NOL4: variants seen among roughly 807,000 people sequenced by gnomAD.
The protein encoded by NOL4 is nucleolar protein 4.
NOL4 carries 17 observed loss-of-function variants against 75.9 expected under a neutral mutation model. That is an observed-to-expected ratio of 0.22 (90% confidence interval 0.15 to 0.34). NOL4 has a LOEUF of 0.34. Ranked by LOEUF, NOL4 falls within the 10% of genes least tolerant of loss-of-function variation. The pLI is 1.00. For synonymous variants in NOL4, 292 were observed against 289.9 expected, an observed-to-expected ratio of 1.01 and a Z score of -0.07; for missense variants, 614 against 793.5, an observed-to-expected ratio of 0.77 and a Z score of 2.72.
At chr18:33,855,337 A>T (rs994695319) in intron 10 of NOL4, among the ~76,000 whole-genome samples, 5 of 152,088 alleles carry the variant, frequency 3.3e-5, no homozygotes, top group Middle Eastern at 3.2e-3. Flanking sequence ...CAACAATATG[A>T]TCTGATTAGA....
intron 6 of NOL4, among the ~76,000 whole-genome samples, chr18:33,965,531 T>TTGCA (rs1465723058): frequency 2.6e-5 from 4 of 152,238 alleles, no homozygotes; most frequent in Admixed American, 6.5e-5. Flanking sequence ...TCATCTTGAA[T>TTGCA]TGCAGTTCCC....
intron 10 of NOL4, among the ~76,000 whole-genome samples, chr18:33,863,064 A>C (rs1567972360): frequency 6.6e-6 from 1 of 152,230 alleles, no homozygotes; most frequent in Non-Finnish European, 1.5e-5. Context: ...AATGTGGCAC[A>C]TATACACCAT....
intron 2 of NOL4, among the ~76,000 whole-genome samples, chr18:34,106,831 T>C (rs1188514203): frequency 6.6e-6 from 1 of 152,028 alleles, no homozygotes; most frequent in Non-Finnish European, 1.5e-5. Flanking sequence ...AGAAATATTT[T>C]ATACTAATTC....
intron 6 of NOL4, among the ~76,000 whole-genome samples, chr18:34,010,305 C>G (rs561163942): frequency 4.0e-5 from 6 of 151,864 alleles, no homozygotes; most frequent in African/African-American, 1.4e-4. Context: ...TCCTTCAGTT[C>G]CATCCGTGTT....
At chr18:33,879,505 T>C (rs1244905379) in intron 10 of NOL4, among the ~76,000 whole-genome samples, 3 of 151,866 alleles carry the variant, frequency 2.0e-5, no homozygotes, top group Non-Finnish European at 2.9e-5. Flanking sequence ...AAACTTTGTC[T>C]CTGCTAAAAA....
intron 10 of NOL4, among the ~76,000 whole-genome samples, chr18:33,858,350 A>T (rs2062929555): frequency 6.6e-6 from 1 of 151,968 alleles, no homozygotes; most frequent in African/African-American, 2.4e-5. Flanking sequence ...TGTTTAATCA[A>T]GGTATTCATG....
At chr18:33,856,834 A>G (rs1382648090) in intron 10 of NOL4, among the ~76,000 whole-genome samples, 2 of 152,044 alleles carry the variant, frequency 1.3e-5, no homozygotes, top group African/African-American at 4.8e-5. Context: ...TCAAACTATA[A>G]CAATTGAGTC....
intron 1 of NOL4, among the ~76,000 whole-genome samples, chr18:34,159,149 G>T (rs963858263): frequency 1.3e-5 from 2 of 152,170 alleles, no homozygotes; most frequent in Admixed American, 6.5e-5. Flanking sequence ...AACGCTGGAG[G>T]GGGTGGCAGG....
chr18:34,219,910 T>C (rs2037180493), intron 1 of NOL4, among the ~76,000 whole-genome samples: 1 of 152,172 alleles, frequency 6.6e-6, no homozygotes. Flanking sequence ...ATCTACTCCA[T>C]CAAAAAGCAG....
intron 6 of NOL4, among the ~76,000 whole-genome samples, chr18:33,978,124 C>A (rs930885245): frequency 6.6e-6 from 1 of 152,082 alleles, no homozygotes; most frequent in Non-Finnish European, 1.5e-5. Context: ...GGTTGGTGAC[C>A]AGTTGGCCGC....
At chr18:33,871,686 C>G (rs1488228989) in intron 10 of NOL4, among the ~76,000 whole-genome samples, 1 of 151,998 alleles carries the variant, frequency 6.6e-6, no homozygotes, top group African/African-American at 2.4e-5. Flanking sequence ...AGTAGGCACA[C>G]CACAAAATTC....
rs548981275 is a variant in NOL4 at position 33,877,665 on chromosome 18, C to T, written c.1723+5579G>A. On this transcript the variant is annotated intron_variant, in intron 10 of 10. Coordinates refer to ENST00000261592, the MANE Select transcript of NOL4 (RefSeq NM_003787.5). ...AGAAACATACAGAAAAAATAGACCTCAACATAGTACTACAGCATGTATATC... is the reference window on the plus strand; with the variant it reads ...AGAAACATACAGAAAAAATAGACCTTAACATAGTACTACAGCATGTATATC... 3.3e-5 allele frequency among the ~76,000 whole-genome samples: 5 copies of T among 152,022 alleles called. No individual in the cohort carries two copies. The South Asian group carries it at 1.0e-3, about 32-fold the overall frequency.
chr18:34,031,318 C>A lies in NOL4; in HGVS notation c.773-11717G>T, dbSNP rs377624612. 1.2e-4 allele frequency among the ~76,000 whole-genome samples: 19 copies of A among 152,192 alleles called. No individual in the cohort carries two copies. The South Asian group carries it at 1.7e-3, about 13-fold the overall frequency. On this transcript the variant is annotated intron_variant, in intron 5 of 10. Transcript: ENST00000261592. ...GTGTTTCTAATTTATCATGGACAAC[C>A]AATTTGTAAAGCAAAACAAAACAAA...
At chr18:34,074,195 T>C (rs535975871) in intron 5 of NOL4, among the ~76,000 whole-genome samples, 6 of 151,864 alleles carry the variant, frequency 4.0e-5, no homozygotes, top group African/African-American at 1.4e-4. Flanking sequence ...TCTCAAATAA[T>C]TGGATTTTTC....
intron 1 of NOL4, among the ~76,000 whole-genome samples, chr18:34,168,215 A>T (rs930407716): frequency 6.6e-6 from 1 of 151,988 alleles, no homozygotes; most frequent in African/African-American, 2.4e-5. Context: ...AAAAATTTTA[A>T]GACTGTCAAG....
At chr18:33,972,087 C>A (rs901968722) in intron 6 of NOL4, among the ~76,000 whole-genome samples, 2 of 151,372 alleles carry the variant, frequency 1.3e-5, no homozygotes, top group African/African-American at 4.9e-5. Context: ...TGGCTTGAAC[C>A]CGGGAGGTGG....
chr18:33,919,160 C>A (rs535001680), intron 9 of NOL4, among the ~76,000 whole-genome samples: 2 of 152,102 alleles, frequency 1.3e-5, no homozygotes, highest in Admixed American at 6.6e-5. Flanking sequence ...ACCTAATGAG[C>A]GTGTCATCTT....
chr18:33,992,766 T>C (rs1662985813), intron 6 of NOL4, among the ~76,000 whole-genome samples: 1 of 152,012 alleles, frequency 6.6e-6, no homozygotes, highest in South Asian at 2.1e-4. Context: ...GCTTCACTCA[T>C]AGAATGAAAG....
At chr18:33,921,643 A>C (rs1407612026) in intron 9 of NOL4, among the ~76,000 whole-genome samples, 1 of 152,206 alleles carries the variant, frequency 6.6e-6, no homozygotes, top group Non-Finnish European at 1.5e-5. Flanking sequence ...TACTAGAAGC[A>C]GCAAAGAAGG....
Sources: allele counts gnomAD v4.1 joint callset (sites outside exome capture counted in the v4.1 genomes callset), GRCh38; gene constraint gnomAD v4.1.1; transcripts MANE v1.5; gene names NCBI Gene and HGNC (gene_info 2026-07-23, HGNC 2026-07-21).